Variants in MAP1S observed in about 807,000 individuals in gnomAD.
The protein encoded by MAP1S is microtubule associated protein 1S.
In MAP1S, 27 loss-of-function variants were observed where a neutral mutation model predicts 60.9. The observed-to-expected ratio is 0.44, with a 90% CI of 0.33 to 0.61. The LOEUF (loss-of-function observed/expected upper bound fraction) is 0.61, where lower values mean the gene tolerates loss of function less well. Among genes scored for constraint, MAP1S ranks in the 20% least tolerant of loss-of-function variants. MAP1S has a pLI of 0.03. For synonymous variants in MAP1S, 826 were observed against 694.2 expected, an observed-to-expected ratio of 1.19 and a Z score of -2.98; for missense variants, 1,608 against 1,486.6, an observed-to-expected ratio of 1.08 and a Z score of -1.34.
chr19:17,726,270 G>A lies in MAP1S; in HGVS notation c.886G>A (p.Asp296Asn). 1 of 1,606,486 alleles carries A rather than the reference G, an allele frequency of 6.2e-7. No homozygotes were observed. Among genetic ancestry groups the A allele is most frequent in the Non-Finnish European group, 8.5e-7 (1 of 1,177,266 alleles). ...CGTGCTGGTGACCCACCCTGGCGCCGACAGCCTCCCCGGCCTCAACAGCCT... is the reference window on the plus strand; with the variant it reads ...CGTGCTGGTGACCCACCCTGGCGCCAACAGCCTCCCCGGCCTCAACAGCCT... ...DAVLVTHPGA[D>N]SLPGLNSLLR... is the part of the protein sequence containing the mutation. The change falls in exon 5 of 7, where the codon GAC becomes AAC. Residue 296 changes from aspartate to asparagine, a missense_variant. Transcript: ENST00000324096.
Position 17,725,555 on chromosome 19 carries a change from G to C in MAP1S, c.445-274G>C, listed in dbSNP as rs551483214. ...AGAAAAGGTTCAGTAGACAGGTGGG[G>C]CGTGGAGAGTCTCCTTGGAGGGAGC... On this transcript the variant is annotated intron_variant, in intron 4 of 6. Transcript: ENST00000324096. The surrounding 1 kb of genome is among the most constrained non-coding windows in gnomAD (Gnocchi z 4.2). Among the ~76,000 whole-genome samples, 1 of 152,342 alleles carries C rather than the reference G, an allele frequency of 6.6e-6. No individual in the cohort carries two copies. The highest frequency in any genetic ancestry group is 1.5e-5 in the Non-Finnish European group (1 of 68,030).
In MAP1S at chr19:17,724,110, C is replaced by G. The variant is rs191585375; in HGVS notation, c.221-16C>G. 1 of 1,610,812 alleles carries G rather than the reference C, an allele frequency of 6.2e-7. No individual in the cohort carries two copies. Among genetic ancestry groups the G allele is most frequent in the South Asian group, 1.1e-5 (1 of 91,012 alleles). On this transcript the variant is annotated splice_polypyrimidine_tract_variant and intron_variant, in intron 2 of 6. Coordinates refer to ENST00000324096, the MANE Select transcript of MAP1S (RefSeq NM_018174.6). Reference sequence around the variant, plus strand: ...GAGGCAGGATTTGACTCCGGGACGGCCTGATTCCCCCACAGGCCAGCGGAG... The same window carrying G: ...GAGGCAGGATTTGACTCCGGGACGGGCTGATTCCCCCACAGGCCAGCGGAG...
intron 2 of MAP1S, chr19:17,721,607 G>T (rs1158861036): frequency 5.3e-6 from 1 of 187,718 alleles, no homozygotes; most frequent in South Asian, 8.3e-5. Flanking sequence ...CCAGGAGGCA[G>T]AGGTTACAGT....
rs1177570348 is a variant in MAP1S at position 17,727,187 on chromosome 19, G to A, written c.1803G>A (p.Pro601=). Residue 601 remains proline, a synonymous_variant, in exon 5 of 7, where the codon CCG becomes CCA. Coordinates refer to ENST00000324096, the MANE Select transcript of MAP1S (RefSeq NM_018174.6). This position sits in a 1 kb window ranked among gnomAD's most constrained non-coding sequence, Gnocchi z 4.1. The part of the protein sequence containing the change: ...ASPPSAACGS[P]ASQLVATPSL... ...CCCCCAGTGCAGCCTGCGGCTCTCC[G>A]GCCTCCCAGCTGGTGGCCACGCCCA... 1 of 1,577,502 alleles carries A rather than the reference G, an allele frequency of 6.3e-7. No homozygotes were observed. Among genetic ancestry groups the A allele is most frequent in the Non-Finnish European group, 8.6e-7 (1 of 1,165,788 alleles).
chr19:17,720,116 C>A, intron 1 of MAP1S: 6 of 1,240,388 alleles, frequency 4.8e-6, no homozygotes, highest in Non-Finnish European at 6.1e-6. Flanking sequence ...GGGGTGTGGG[C>A]GGGTGCGGCC....
intron 1 of MAP1S, chr19:17,720,250 C>A: frequency 7.2e-7 from 1 of 1,393,694 alleles, no homozygotes; most frequent in Non-Finnish European, 9.3e-7. Flanking sequence ...GGGTGTTCAT[C>A]CCCCATCCCT....
Position 17,726,041 on chromosome 19 carries a change from G to A in MAP1S, c.657G>A (p.Glu219=). ...TGGAGTACGTGGCTGAGTCTCTGGA[G>A]CCACCGTCCCCCTTCGAGCTGCTGG... ...EFLEYVAESL[E]PPSPFELLEP... is the part of the protein sequence containing the mutation. Residue 219 remains glutamate, a synonymous_variant, in exon 5 of 7, where the codon GAG becomes GAA. Transcript: ENST00000324096. 6.2e-7 allele frequency: 1 copy of A among 1,613,260 alleles called. No individual in the cohort carries two copies. The highest frequency in any genetic ancestry group is 8.5e-7 in the Non-Finnish European group (1 of 1,179,770).
At position 17,733,290 on chromosome 19, in the gene MAP1S, G is replaced by C. The variant is rs753686290; in HGVS notation, c.2886G>C (p.Leu962=). 10 of 1,582,464 alleles carry C rather than the reference G, an allele frequency of 6.3e-6. No individual in the cohort carries two copies. The South Asian group carries it at 1.2e-4, about 18-fold the overall frequency. Residue 962 remains leucine (L), a synonymous_variant, in exon 6 of 7, where the codon CTG becomes CTC. Transcript: ENST00000324096. The part of the protein sequence containing the change: ...AYLPSGSSAH[L]VDEEFFQRVR... ...TGCCCAGCGGGAGCAGCGCCCACCT[G>C]GTGGATGAGGAGTTCTTCCAGCGCG...
intron 5 of MAP1S, among the ~76,000 whole-genome samples, chr19:17,731,935 G>A (rs890605162): frequency 6.6e-6 from 1 of 152,246 alleles, no homozygotes; most frequent in Non-Finnish European, 1.5e-5. Context: ...CCAAAGTGCT[G>A]GGATTACAGG....
At chr19:17,730,623 C>T (rs145626690) in intron 5 of MAP1S, among the ~76,000 whole-genome samples, 1 of 152,280 alleles carries the variant, frequency 6.6e-6, no homozygotes, top group Non-Finnish European at 1.5e-5. Context: ...GCCCCCTTTG[C>T]CCATTTTTAA....
chr19:17,724,681 T>G (rs972091002), intron 3 of MAP1S, among the ~76,000 whole-genome samples: 20 of 152,120 alleles, frequency 1.3e-4, no homozygotes, highest in African/African-American at 4.6e-4. Flanking sequence ...ACTTTTCCCT[T>G]TTGTTCCCTT....
In MAP1S at chr19:17,726,146, C is replaced by T; in HGVS notation, c.762C>T (p.Ala254=). ...YIFPGGLGDA[A]FFAVNGFTVL... ...TCCCTGGAGGCCTCGGGGATGCCGC[C>T]TTCTTCGCCGTCAATGGCTTCACTG... The change falls in exon 5 of 7, where the codon GCC becomes GCT. Residue 254 remains alanine (A), a synonymous_variant. Coordinates refer to ENST00000324096, the MANE Select transcript of MAP1S (RefSeq NM_018174.6). 6.2e-7 allele frequency: 1 copy of T among 1,613,962 alleles called. No individual in the cohort carries two copies. Among genetic ancestry groups the T allele is most frequent in the Non-Finnish European group, 8.5e-7 (1 of 1,179,956 alleles).
At position 17,725,897 on chromosome 19, in the gene MAP1S, C is replaced by T; in HGVS notation, c.513C>T (p.Thr171=). 6.2e-7 allele frequency: 1 copy of T among 1,613,850 alleles called. No homozygotes were observed. The highest frequency in any genetic ancestry group is 8.5e-7 in the Non-Finnish European group (1 of 1,180,006). ...CCATACTCACCATCACCTGCCCCAC[C>T]TTCGGTGACTGGGCTCAGCTGGCAC... ...QPPILTITCP[T]FGDWAQLAPA... The change falls in exon 5 of 7, where the codon ACC becomes ACT. Residue 171 remains threonine (T), a synonymous_variant. Transcript: ENST00000324096. This position sits in a 1 kb window ranked among gnomAD's most constrained non-coding sequence, Gnocchi z 4.2.
rs2080397902 is a variant in MAP1S at position 17,724,308 on chromosome 19, T to C, written c.303+100T>C. On this transcript the variant is annotated intron_variant, in intron 3 of 6. Coordinates refer to ENST00000324096, the MANE Select transcript of MAP1S (RefSeq NM_018174.6). Reference sequence around the variant, plus strand: ...CTTGTCTTCATGCTGCCCCAGATCCTCTCAAGACACCCGGCACCACACTTC... The same window carrying C: ...CTTGTCTTCATGCTGCCCCAGATCCCCTCAAGACACCCGGCACCACACTTC... 1.8e-5 allele frequency: 17 copies of C among 937,292 alleles called. No homozygotes were observed. In the South Asian group the frequency reaches 2.4e-4, roughly 13 times the overall value. 58.1% of individuals were successfully genotyped at this position (937,292 alleles called of 1,614,324 possible).
Position 17,726,945 on chromosome 19 carries a change from A to G in MAP1S, c.1561A>G (p.Thr521Ala). The G allele has an allele frequency of 6.4e-7, 1 of 1,570,848 alleles. No homozygotes were observed. The highest frequency in any genetic ancestry group is 8.6e-7 in the Non-Finnish European group (1 of 1,159,006). Residue 521 changes from threonine to alanine, a missense_variant, in exon 5 of 7, where the codon ACC (threonine) becomes GCC (alanine). Coordinates refer to ENST00000324096, the MANE Select transcript of MAP1S (RefSeq NM_018174.6). ...ACGCAAGACTGAGAAAGAAGCCAAG[A>G]CCCCCCGGGAGTTGAAGAAAGACCC... Reference protein sequence around the residue: ...APRKTEKEAKTPRELKKDPKP... With the variant: ...APRKTEKEAKAPRELKKDPKP...
chr19:17,727,190 C>A lies in MAP1S; in HGVS notation c.1806C>A (p.Ala602=), dbSNP rs763796739. Reference sequence around the variant, plus strand: ...CCAGTGCAGCCTGCGGCTCTCCGGCCTCCCAGCTGGTGGCCACGCCCAGCC... The same window carrying A: ...CCAGTGCAGCCTGCGGCTCTCCGGCATCCCAGCTGGTGGCCACGCCCAGCC... ...SPPSAACGSP[A]SQLVATPSLE... is the part of the protein sequence containing the mutation. Residue 602 remains alanine, a synonymous_variant, in exon 5 of 7, where the codon GCC becomes GCA. Coordinates refer to ENST00000324096, the MANE Select transcript of MAP1S (RefSeq NM_018174.6). The surrounding 1 kb of genome is among the most constrained non-coding windows in gnomAD (Gnocchi z 4.1). The A allele has an allele frequency of 6.3e-7, 1 of 1,577,182 alleles. No individual in the cohort carries two copies. The highest frequency in any genetic ancestry group is 1.1e-5 in the South Asian group (1 of 87,430).
Position 17,725,777 on chromosome 19 carries a change from G to C in MAP1S, c.445-52G>C. The stretch of plus-strand genomic sequence containing the variant: ...TGTCCTCGCCCAGTTTTCCCACCGG[G>C]CTAGGTGTTGCCTGGCTCTAGGTGG... On this transcript the variant is annotated intron_variant, in intron 4 of 6. Transcript: ENST00000324096. This position sits in a 1 kb window ranked among gnomAD's most constrained non-coding sequence, Gnocchi z 4.2. The C allele has an allele frequency of 2.6e-6, 4 of 1,546,784 alleles. No homozygotes were observed. Among genetic ancestry groups the C allele is most frequent in the Non-Finnish European group, 3.5e-6 (4 of 1,141,434 alleles).
At position 17,725,243 on chromosome 19, in the gene MAP1S, G is replaced by C. The variant is rs1193142479; in HGVS notation, c.444+54G>C. The stretch of plus-strand genomic sequence containing the variant: ...TCCCCAGCTCTGAATCCTGACTGGG[G>C]TGTATCAGGCTGTGTGGCACCAGCG... On this transcript the variant is annotated intron_variant, in intron 4 of 6. Transcript: ENST00000324096. The surrounding 1 kb of genome is among the most constrained non-coding windows in gnomAD (Gnocchi z 4.2). 9 of 1,565,512 alleles carry C rather than the reference G, an allele frequency of 5.7e-6. No homozygotes were observed. In the East Asian group the frequency reaches 1.8e-4, roughly 31 times the overall value.
In MAP1S at chr19:17,727,871, G is replaced by C. The variant is rs765925425; in HGVS notation, c.2487G>C (p.Lys829Asn). The change falls in exon 5 of 7, where the codon AAG (lysine) becomes AAC (asparagine). Residue 829 changes from lysine (K) to asparagine (N), a missense_variant. Physicochemically the swap from Lys to Asn is moderately conservative, Grantham distance 94. Coordinates refer to ENST00000324096, the MANE Select transcript of MAP1S (RefSeq NM_018174.6). This position sits in a 1 kb window ranked among gnomAD's most constrained non-coding sequence, Gnocchi z 4.1. ...ACGACCCTTTGCCTGACCCCCTCAA[G>C]GTCCCCCCACCACTGCCTGACCCAT... ...PRHDPLPDPL[K>N]VPPPLPDPSS... 2 of 1,612,810 alleles carry C rather than the reference G, an allele frequency of 1.2e-6. No individual in the cohort carries two copies. The highest frequency in any genetic ancestry group is 3.3e-5 in the Admixed American group (2 of 59,966).
Sources: gnomAD v4.1 joint callset for allele counts (sites outside exome capture counted in the v4.1 genomes callset) on GRCh38, gnomAD v4.1.1 for gene constraint, Gnocchi (gnomAD v3.1) non-coding constraint, MANE v1.5 for transcripts, NCBI Gene and HGNC (gene_info 2026-07-23, HGNC 2026-07-21) for gene names.